PLEKHM3: variants seen among roughly 807,000 people sequenced by gnomAD.
The protein encoded by PLEKHM3 is pleckstrin homology domain containing M3, also known as pleckstrin homology domain-containing family M member 3.
A neutral mutation model predicts 81.8 loss-of-function variants in PLEKHM3; 45 were observed. The observed-to-expected ratio is 0.55, with a 90% CI of 0.43 to 0.71. The LOEUF is 0.71. Among genes scored for constraint, PLEKHM3 ranks in the 30% least tolerant of loss-of-function variants. PLEKHM3 has a pLI of 0.00. For missense variants in PLEKHM3, 788 were observed against 924.3 expected (o/e 0.85, Z 1.91); for synonymous variants, 352 against 356.4 (o/e 0.99, Z 0.14).
At chr2:208,021,051 T>G (rs1459484225) in intron 1 of PLEKHM3, among the ~76,000 whole-genome samples, 1 of 152,232 alleles carries the variant, frequency 6.6e-6, no homozygotes, top group Non-Finnish European at 1.5e-5. Flanking sequence ...TTTAAATATG[T>G]AAATGAATGA....
At chr2:207,983,051 A>AT (rs3057253) in intron 2 of PLEKHM3, among the ~76,000 whole-genome samples, 74,707 of 130,044 alleles carry the variant, frequency 0.57, 24,159 homozygotes, top group Non-Finnish European at 0.72. Context: ...TTAAACATGG[A>AT]TTTTTTTTTT....
chr2:208,005,300 A>G (rs1000463280), intron 1 of PLEKHM3, among the ~76,000 whole-genome samples: 4 of 152,140 alleles, frequency 2.6e-5, no homozygotes, highest in African/African-American at 7.2e-5. Flanking sequence ...AGAATTCTTC[A>G]TATTTCCCTA....
chr2:207,961,001 T>C (rs1690711055), intron 3 of PLEKHM3, among the ~76,000 whole-genome samples: 1 of 152,226 alleles, frequency 6.6e-6, no homozygotes, highest in Non-Finnish European at 1.5e-5. Flanking sequence ...GAATTGTACA[T>C]AGTCAAGACA....
intron 4 of PLEKHM3, among the ~76,000 whole-genome samples, chr2:207,934,289 T>C (rs1044171694): frequency 1.3e-5 from 2 of 152,208 alleles, no homozygotes; most frequent in African/African-American, 2.4e-5. Flanking sequence ...AAAAGCCTGC[T>C]GCCATTTCTG....
At chr2:207,905,288 G>A (rs1025223571) in intron 6 of PLEKHM3, among the ~76,000 whole-genome samples, 3 of 152,140 alleles carry the variant, frequency 2.0e-5, no homozygotes, top group Non-Finnish European at 2.9e-5. Flanking sequence ...TTAGCAGTGA[G>A]GAGAAAAATC....
At chr2:207,985,198 C>T (rs1371524817) in intron 2 of PLEKHM3, among the ~76,000 whole-genome samples, 1 of 151,492 alleles carries the variant, frequency 6.6e-6, no homozygotes, top group African/African-American at 2.4e-5. Context: ...GACCTTCATG[C>T]ATTTTTCTCC....
intron 7 of PLEKHM3, among the ~76,000 whole-genome samples, chr2:207,832,269 T>C (rs956901365): frequency 2.0e-5 from 3 of 152,222 alleles, no homozygotes; most frequent in South Asian, 2.1e-4. Context: ...GATTGATCAA[T>C]GACTTTCCAA....
intron 7 of PLEKHM3, chr2:207,851,435 G>C (rs2092411900): frequency 6.6e-6 from 1 of 151,972 alleles, no homozygotes; most frequent in Non-Finnish European, 1.5e-5. Flanking sequence ...AGAGAGGTAT[G>C]TATTTAATTT....
intron 5 of PLEKHM3, among the ~76,000 whole-genome samples, chr2:207,925,140 GT>G (rs1189512339): frequency 2.5e-5 from 3 of 118,290 alleles, no homozygotes; most frequent in Non-Finnish European, 6.1e-5. Context: ...TTGTTTTTTT[GT>G]TTTTTGTTTT....
intron 2 of PLEKHM3, among the ~76,000 whole-genome samples, chr2:207,999,254 G>A (rs1692216622): frequency 6.6e-6 from 1 of 151,934 alleles, no homozygotes; most frequent in Non-Finnish European, 1.5e-5. Flanking sequence ...GGGATTACAG[G>A]CATGAGCCAC....
At chr2:207,868,370 C>T (rs1181651236) in intron 6 of PLEKHM3, among the ~76,000 whole-genome samples, 1 of 151,954 alleles carries the variant, frequency 6.6e-6, no homozygotes, top group African/African-American at 2.4e-5. Flanking sequence ...GGGAGTCTCC[C>T]AGAGGGGCTG....
At chr2:207,850,496 A>T (rs1559206668) in intron 7 of PLEKHM3, among the ~76,000 whole-genome samples, 1 of 152,248 alleles carries the variant, frequency 6.6e-6, no homozygotes, top group East Asian at 1.9e-4. Flanking sequence ...GATTTATCAC[A>T]GTTGGTTTAT....
At chr2:207,978,793 A>G (rs1559267246) in intron 2 of PLEKHM3, among the ~76,000 whole-genome samples, 1 of 152,216 alleles carries the variant, frequency 6.6e-6, no homozygotes, top group East Asian at 1.9e-4. Flanking sequence ...ACATGCATGC[A>G]TGCCTGAGTC....
intron 6 of PLEKHM3, among the ~76,000 whole-genome samples, chr2:207,867,885 C>A (rs2092510469): frequency 6.6e-6 from 1 of 152,038 alleles, no homozygotes; most frequent in South Asian, 2.1e-4. Flanking sequence ...AGAGTGGCCT[C>A]AAATATTAGA....
At chr2:207,890,434 C>T (rs1444074604) in intron 6 of PLEKHM3, among the ~76,000 whole-genome samples, 1 of 152,110 alleles carries the variant, frequency 6.6e-6, no homozygotes, top group Non-Finnish European at 1.5e-5. Flanking sequence ...TCGAGACCAG[C>T]CTGGCCAACA....
intron 6 of PLEKHM3, among the ~76,000 whole-genome samples, chr2:207,903,794 T>C (rs527965309): frequency 6.6e-6 from 1 of 152,328 alleles, no homozygotes; most frequent in Non-Finnish European, 1.5e-5. Flanking sequence ...AGTAAGGAGA[T>C]GGTTTGTCAC....
intron 7 of PLEKHM3, among the ~76,000 whole-genome samples, chr2:207,856,895 T>C (rs1298217884): frequency 1.3e-5 from 2 of 152,258 alleles, no homozygotes; most frequent in Non-Finnish European, 2.9e-5. Context: ...AATTTCATTA[T>C]GGTTTGAGAA....
At chr2:207,956,114 T>C (rs1690498213) in intron 3 of PLEKHM3, among the ~76,000 whole-genome samples, 1 of 152,134 alleles carries the variant, frequency 6.6e-6, no homozygotes. Flanking sequence ...TGAGGCTCAT[T>C]GTAAATAGAG....
chr2:207,832,949 T>A (rs2092296643), intron 7 of PLEKHM3, among the ~76,000 whole-genome samples: 1 of 151,366 alleles, frequency 6.6e-6, no homozygotes, highest in African/African-American at 2.4e-5. Context: ...CTGTCTCTAC[T>A]AAAAACACAA....
Sources: allele counts gnomAD v4.1 joint callset (sites outside exome capture counted in the v4.1 genomes callset), GRCh38; gene constraint gnomAD v4.1.1; transcripts MANE v1.5; gene names NCBI Gene and HGNC (gene_info 2026-07-23, HGNC 2026-07-21).